Variants in PEBP4 observed in about 807,000 individuals in gnomAD.
The protein encoded by PEBP4 is phosphatidylethanolamine binding protein 4, also known as phosphatidylethanolamine-binding protein 4.
Under a neutral mutation model 23.9 loss-of-function variants are expected in PEBP4, and 22 were observed. The ratio of observed to expected loss-of-function variants is 0.92; its 90% CI spans 0.66 to 1.31. The LOEUF (loss-of-function observed/expected upper bound fraction) is 1.31, where lower values mean the gene tolerates loss of function less well. Ranked by LOEUF, PEBP4 falls within the 40% of genes most tolerant of loss-of-function variation. The probability of loss-of-function intolerance (pLI) is 0.00; values close to 1 mark genes in which losing one functional copy is unlikely to be tolerated. For synonymous variants in PEBP4, 112 were observed against 99.3 expected (o/e 1.13, Z -0.76); for missense variants, 324 against 281.7 (o/e 1.15, Z -1.07).
intron 3 of PEBP4, among the ~76,000 whole-genome samples, chr8:22,867,405 C>A (rs1240833689): frequency 6.6e-6 from 1 of 152,144 alleles, no homozygotes; most frequent in Non-Finnish European, 1.5e-5. Flanking sequence ...GATGTCGTGT[C>A]AATAACCCCC....
intron 3 of PEBP4, among the ~76,000 whole-genome samples, chr8:22,859,546 A>G (rs570736034): frequency 6.6e-6 from 1 of 152,304 alleles, no homozygotes; most frequent in South Asian, 2.1e-4. Flanking sequence ...TTGGGATAGA[A>G]CTGAGATAGC....
chr8:22,860,179 T>TAC (rs1807741115), intron 3 of PEBP4, among the ~76,000 whole-genome samples: 5 of 84,594 alleles, frequency 5.9e-5, no homozygotes, highest in Non-Finnish European at 1.2e-4. Flanking sequence ...TATATATATA[T>TAC]ACACATATAT....
intron 4 of PEBP4, chr8:22,757,862 G>A (rs574462287): frequency 8.2e-4 from 125 of 152,330 alleles, no homozygotes; most frequent in African/African-American, 2.9e-3. Context: ...CCTCCTACCC[G>A]GCCACCTGCA....
Position 22,817,667 on chromosome 8 carries a change from G to A in PEBP4, c.327C>T (p.Phe109=). Residue 109 remains phenylalanine, a synonymous_variant, in exon 4 of 7, where the codon TTC becomes TTT. Transcript: ENST00000256404. The part of the protein sequence containing the change: ...APSRAEPRQR[F]WRHWLVTDIK... ...TATCTGTTACCAGCCAATGTCTCCA[G>A]AATCTCTGTCTGGGTTCTGCTCTGC... 6.2e-7 allele frequency: 1 copy of A among 1,614,186 alleles called. No homozygotes were observed. The highest frequency in any genetic ancestry group is 8.5e-7 in the Non-Finnish European group (1 of 1,180,020).
intron 3 of PEBP4, among the ~76,000 whole-genome samples, chr8:22,913,290 G>C (rs1808987014): frequency 6.6e-6 from 1 of 152,088 alleles, no homozygotes; most frequent in Non-Finnish European, 1.5e-5. Context: ...CTCTTCCCCA[G>C]CCTGGCCCCA....
rs1156834710 is a variant in PEBP4 at position 22,865,562 on chromosome 8, A to AGCCGCC, written c.259-47833_259-47828dup. 6.6e-6 allele frequency among the ~76,000 whole-genome samples: 1 copy of AGCCGCC among 151,706 alleles called. No individual in the cohort carries two copies. The highest frequency in any genetic ancestry group is 2.4e-5 in the African/African-American group (1 of 41,400). On this transcript the variant is annotated intron_variant, in intron 3 of 6. Transcript: ENST00000256404. The surrounding 1 kb of genome is among the most constrained non-coding windows in gnomAD (Gnocchi z 6.9). ...GCGCTGCTGCCGGTGCCGGTGCCGC[A>AGCCGCC]GCCGCCGGGGAAGGAATTCCCTCCG...
chr8:22,725,527 C>A (rs1168039376), intron 5 of PEBP4, among the ~76,000 whole-genome samples: 1 of 151,944 alleles, frequency 6.6e-6, no homozygotes, highest in East Asian at 1.9e-4. Flanking sequence ...CTCTCCCAGT[C>A]CTTCTCTCTC....
intron 4 of PEBP4, among the ~76,000 whole-genome samples, chr8:22,733,033 A>G (rs1804772133): frequency 6.6e-6 from 1 of 152,218 alleles, no homozygotes; most frequent in Non-Finnish European, 1.5e-5. Context: ...GCTGGAAGCC[A>G]GGGGTCTATC....
Position 22,865,553 on chromosome 8 carries a change from C to T in PEBP4, c.259-47818G>A, listed in dbSNP as rs1338570830. Among the ~76,000 whole-genome samples, 3 of 152,172 alleles carry T rather than the reference C, an allele frequency of 2.0e-5. No individual in the cohort carries two copies. The highest frequency in any genetic ancestry group is 2.9e-5 in the Non-Finnish European group (2 of 68,020). On this transcript the variant is annotated intron_variant, in intron 3 of 6. Transcript: ENST00000256404. This position sits in a 1 kb window ranked among gnomAD's most constrained non-coding sequence, Gnocchi z 6.9. Reference sequence around the variant, plus strand: ...AAAGGCAAGGCGCTGCTGCCGGTGCCGGTGCCGCAGCCGCCGGGGAAGGAA... The same window carrying T: ...AAAGGCAAGGCGCTGCTGCCGGTGCTGGTGCCGCAGCCGCCGGGGAAGGAA...
Position 22,740,149 on chromosome 8 carries a change from A to G in PEBP4, c.358-12929T>C, listed in dbSNP as rs573260304. ...GGGGCTGCTTTGTGAACAGAAAGGA[A>G]GAAAGGAAGGAAGGATGGATGGAAG... On this transcript the variant is annotated intron_variant, in intron 4 of 6. Coordinates refer to ENST00000256404, the MANE Select transcript of PEBP4 (RefSeq NM_144962.3). Among the ~76,000 whole-genome samples the G allele has an allele frequency of 1.0e-3, 153 of 152,352 alleles. 1 individual carries two copies. The highest frequency in any genetic ancestry group is 3.5e-3 in the African/African-American group (146 of 41,582).
chr8:22,819,599 G>T (rs938844487), intron 3 of PEBP4, among the ~76,000 whole-genome samples: 4 of 151,442 alleles, frequency 2.6e-5, no homozygotes, highest in African/African-American at 7.3e-5. Flanking sequence ...GATTGTTTTT[G>T]TTTTTTTGTT....
intron 4 of PEBP4, among the ~76,000 whole-genome samples, chr8:22,740,494 G>T (rs552295317): frequency 6.6e-6 from 1 of 152,256 alleles, no homozygotes; most frequent in South Asian, 2.1e-4. Flanking sequence ...CGACTTCTAC[G>T]CACACTAAAG....
chr8:22,790,389 G>A (rs1806115240), intron 4 of PEBP4, among the ~76,000 whole-genome samples: 1 of 152,196 alleles, frequency 6.6e-6, no homozygotes, highest in South Asian at 2.1e-4. Flanking sequence ...GATGACGAGG[G>A]CCCTGATGGC....
intron 4 of PEBP4, among the ~76,000 whole-genome samples, chr8:22,814,460 C>T (rs1806696958): frequency 6.6e-6 from 1 of 152,232 alleles, no homozygotes; most frequent in Non-Finnish European, 1.5e-5. Context: ...GCCAGCCCCT[C>T]TTTGGAGTGG....
intron 3 of PEBP4, among the ~76,000 whole-genome samples, chr8:22,900,371 G>A (rs998295211): frequency 1.3e-5 from 2 of 152,050 alleles, no homozygotes; most frequent in Non-Finnish European, 1.5e-5. Flanking sequence ...ATCTTGACCC[G>A]AGCGCAGTGG....
intron 4 of PEBP4, among the ~76,000 whole-genome samples, chr8:22,753,014 C>T (rs748913035): frequency 7.9e-5 from 12 of 152,170 alleles, no homozygotes; most frequent in Non-Finnish European, 1.6e-4. Flanking sequence ...TTCCTAAGGG[C>T]AAATGGAGCA....
chr8:22,805,933 G>A (rs1228986712), intron 4 of PEBP4, among the ~76,000 whole-genome samples: 1 of 152,182 alleles, frequency 6.6e-6, no homozygotes, highest in Non-Finnish European at 1.5e-5. Context: ...TGCACAGAAA[G>A]GAGAGGTATA....
chr8:22,852,608 C>A (rs911217968), intron 3 of PEBP4, among the ~76,000 whole-genome samples: 1 of 151,880 alleles, frequency 6.6e-6, no homozygotes, highest in Non-Finnish European at 1.5e-5. Context: ...TTGGTTCCAA[C>A]GGAGTCTTTT....
chr8:22,782,215 C>T (rs974087669), intron 4 of PEBP4, among the ~76,000 whole-genome samples: 1 of 152,216 alleles, frequency 6.6e-6, no homozygotes, highest in Non-Finnish European at 1.5e-5. Context: ...AATACACTCC[C>T]CTTTAAAAGG....
Sources: gnomAD v4.1 joint callset for allele counts (sites outside exome capture counted in the v4.1 genomes callset) on GRCh38, gnomAD v4.1.1 for gene constraint, Gnocchi (gnomAD v3.1) non-coding constraint, MANE v1.5 for transcripts, NCBI Gene and HGNC (gene_info 2026-07-23, HGNC 2026-07-21) for gene names.